The following HEATR5B variants were observed in gnomAD, a reference collection of about 807,000 sequenced individuals.
HEATR5B encodes the protein HEAT repeat containing 5B.
In HEATR5B, 156 loss-of-function variants were observed where a neutral mutation model predicts 224.1. The observed-to-expected ratio is 0.70, with a 90% CI of 0.61 to 0.80. The LOEUF is 0.80. Ranked by LOEUF, HEATR5B falls within the 30% of genes least tolerant of loss-of-function variation. The probability of loss-of-function intolerance (pLI) is 0.00; values close to 1 mark genes in which losing one functional copy is unlikely to be tolerated. For missense variants in HEATR5B, 2,323 were observed against 2,535.5 expected, an observed-to-expected ratio of 0.92 and a Z score of 1.80; for synonymous variants, 1,027 against 893.0, an observed-to-expected ratio of 1.15 and a Z score of -2.68.
At chr2:37,076,487 T>C (rs1002716744) in intron 4 of HEATR5B, among the ~76,000 whole-genome samples, 2 of 152,168 alleles carry the variant, frequency 1.3e-5, no homozygotes, top group Admixed American at 1.3e-4. Flanking sequence ...GGAAACATTC[T>C]TCCCTAGATC....
At chr2:37,015,133 G>A (rs1668035876) in intron 26 of HEATR5B, among the ~76,000 whole-genome samples, 1 of 152,166 alleles carries the variant, frequency 6.6e-6, no homozygotes. Context: ...CAGGAGGAAT[G>A]GGAATGTTTA....
rs1667581527 is a variant in HEATR5B at position 37,008,612 on chromosome 2, A to T, written c.4521T>A (p.Asp1507Glu). The change falls in exon 28 of 36, where the codon GAT becomes GAA. Residue 1507 changes from aspartate (D) to glutamate (E), a missense_variant and splice_region_variant. Transcript: ENST00000233099. ...TAAAACTCAGAATGTAATACTCACC[A>T]TCTGGAGGAAGCTGACTAGAAAATT... ...PAEFSSQLPPDGGAFYTPETI... is the reference protein window; with the variant it reads ...PAEFSSQLPPEGGAFYTPETI... 6.2e-7 allele frequency: 1 copy of T among 1,600,040 alleles called. No individual in the cohort carries two copies.
At chr2:37,045,257 CTTT>C (rs1021044039) in intron 18 of HEATR5B, among the ~76,000 whole-genome samples, 4 of 151,532 alleles carry the variant, frequency 2.6e-5, no homozygotes, top group African/African-American at 9.7e-5. Flanking sequence ...CTTTCTGCTT[CTTT>C]ATGTGCCTAG....
Position 36,981,366 on chromosome 2 carries a change from T to G in HEATR5B, c.*124A>C. 1 of 631,014 alleles carries G rather than the reference T, an allele frequency of 1.6e-6. No individual in the cohort carries two copies. Among genetic ancestry groups the G allele is most frequent in the Admixed American group, 3.7e-5 (1 of 27,266 alleles). The allele number at this position is 631,014 out of a possible 1,614,324, so 39.1% of individuals were successfully genotyped here. A position where few individuals can be genotyped will look rare whatever the true frequency, so the allele number is the denominator to read the frequency against. On this transcript the variant is annotated 3_prime_UTR_variant, in exon 36 of 36. Coordinates refer to ENST00000233099, the MANE Select transcript of HEATR5B (RefSeq NM_019024.3). ...GTGAGCATTATTTCACTTAACCTAC[T>G]TGGAAGCACTATAATACCAATATAC... is the stretch of plus-strand genomic sequence containing the variant.
At chr2:37,030,543 C>T (rs1024596856) in intron 22 of HEATR5B, among the ~76,000 whole-genome samples, 2 of 152,130 alleles carry the variant, frequency 1.3e-5, no homozygotes, top group Non-Finnish European at 1.5e-5. Flanking sequence ...AGGGTAAGCA[C>T]ATTTTGAAAA....
At chr2:37,008,586 G>T in intron 28 of HEATR5B, 25 bp downstream of exon 28, 1 of 1,518,830 alleles carries the variant, frequency 6.6e-7, no homozygotes, top group Non-Finnish European at 9.1e-7. Context: ...CTCCATAAAA[G>T]TAAAACTCAG....
intron 19 of HEATR5B, 150 bp from the exon 20 acceptor site, chr2:37,040,668 A>G (rs759876871): frequency 1.2e-5 from 7 of 592,092 alleles, no homozygotes; most frequent in Non-Finnish European, 2.0e-5. Flanking sequence ...GTTTTCATAC[A>G]CATTCTTCAT....
At chr2:37,051,551 A>G (rs1311316504) in intron 17 of HEATR5B, among the ~76,000 whole-genome samples, 2 of 152,082 alleles carry the variant, frequency 1.3e-5, no homozygotes, top group East Asian at 3.8e-4. Context: ...AGGCATTAGC[A>G]TATCTATGAA....
At chr2:37,078,280 T>C (rs571097184) in intron 3 of HEATR5B, among the ~76,000 whole-genome samples, 2 of 152,352 alleles carry the variant, frequency 1.3e-5, no homozygotes, top group Middle Eastern at 3.4e-3. Context: ...GGGAATCAAC[T>C]TTCACCTCTT....
rs142844571 is a variant in HEATR5B at position 37,065,860 on chromosome 2, T to C, written c.1228A>G (p.Ile410Val). 60 of 1,613,724 alleles carry C rather than the reference T, an allele frequency of 3.7e-5. No individual in the cohort carries two copies. The African/African-American group carries it at 7.2e-4, about 19-fold the overall frequency. ...ACCATCACATGCTGGCTTGCTGCAA[T>C]GTCTGCTGCGCCAGATTTGTTTTCT... is the stretch of plus-strand genomic sequence containing the variant. ...SGENKSGAAD[I>V]AASQHVMVCA... Residue 410 changes from isoleucine to valine, a missense_variant, in exon 9 of 36, where the codon ATT (isoleucine) becomes GTT (valine). By Grantham distance (29) the Ile-to-Val change is conservative. Coordinates refer to ENST00000233099, the MANE Select transcript of HEATR5B (RefSeq NM_019024.3).
rs1336418887 is a variant in HEATR5B at position 37,075,626 on chromosome 2, C to G, written c.456G>C (p.Gly152=). ...GTAGACTCATTAAGATTTCACTTCG[C>G]CCTTGAGACTAGACATGTATACAAA... The part of the protein sequence containing the change: ...LKSLKSAESQ[G]RSEILMSLQK... The change falls in exon 5 of 36, where the codon GGG becomes GGC. Residue 152 remains glycine, a synonymous_variant. Transcript: ENST00000233099. 1 of 1,611,964 alleles carries G rather than the reference C, an allele frequency of 6.2e-7. No individual in the cohort carries two copies. Among genetic ancestry groups the G allele is most frequent in the Admixed American group, 1.7e-5 (1 of 59,748 alleles).
intron 2 of HEATR5B, among the ~76,000 whole-genome samples, chr2:37,081,198 T>C (rs1293967265): frequency 6.6e-6 from 1 of 152,180 alleles, no homozygotes; most frequent in Non-Finnish European, 1.5e-5. Context: ...AAACGTCTAG[T>C]TGACAATTAC....
chr2:37,040,764 T>G (rs960742442), intron 19 of HEATR5B, among the ~76,000 whole-genome samples: 5 of 151,810 alleles, frequency 3.3e-5, no homozygotes, highest in Admixed American at 2.6e-4. Context: ...CACAAGAAGA[T>G]TCAGCCAATG....
chr2:37,064,747 T>C lies in HEATR5B; in HGVS notation c.1577A>G (p.Lys526Arg). The C allele has an allele frequency of 6.2e-7, 1 of 1,613,982 alleles. No homozygotes were observed. The highest frequency in any genetic ancestry group is 8.5e-7 in the Non-Finnish European group (1 of 1,179,956). ...HQCPLGIPHAKGKMVVSIAED... is the reference protein window; with the variant it reads ...HQCPLGIPHARGKMVVSIAED... ...CTAGGATCTCCGTCATACCTTTCCT[T>C]TGGCATGAGGAATGCCCAAAGGACA... is the stretch of plus-strand genomic sequence containing the variant. The change falls in exon 10 of 36, where the codon AAA becomes AGA. Residue 526 changes from lysine to arginine, a missense_variant. Lys to Arg is a conservative substitution (Grantham distance 26, BLOSUM62 2). Transcript: ENST00000233099.
intron 2 of HEATR5B, among the ~76,000 whole-genome samples, chr2:37,081,593 G>C (rs1422402948): frequency 6.6e-6 from 1 of 152,166 alleles, no homozygotes; most frequent in Non-Finnish European, 1.5e-5. Context: ...GAGTGAAGTT[G>C]TATGTACCTT....
chr2:37,082,721 A>G (rs1270645599), intron 2 of HEATR5B, among the ~76,000 whole-genome samples: 1 of 152,220 alleles, frequency 6.6e-6, no homozygotes, highest in Non-Finnish European at 1.5e-5. Context: ...AAACAATGTT[A>G]ATGGCTGGCT....
At chr2:37,072,933 C>A (rs182871134) in intron 5 of HEATR5B, among the ~76,000 whole-genome samples, 3 of 152,232 alleles carry the variant, frequency 2.0e-5, no homozygotes, top group Non-Finnish European at 4.4e-5. Context: ...CTGAATAGCC[C>A]AGTATCTATG....
chr2:37,082,238 T>G lies in HEATR5B; in HGVS notation c.126+1051A>C, dbSNP rs13400956. Among the ~76,000 whole-genome samples, 1,399 of 151,638 alleles carry G rather than the reference T, an allele frequency of 9.2e-3. 27 individuals carry two copies. Among genetic ancestry groups the G allele is most frequent in the African/African-American group, 0.032 (1,340 of 41,314 alleles). ...GCGCCCACGACCACGCCTGGCTAAT[T>G]TTCGTACTTTTAGCAGTGTTTAGTA... On this transcript the variant is annotated intron_variant, in intron 2 of 35. Coordinates refer to ENST00000233099, the MANE Select transcript of HEATR5B (RefSeq NM_019024.3).
Position 37,000,682 on chromosome 2 carries a change from T to C in HEATR5B, c.5449A>G (p.Thr1817Ala), listed in dbSNP as rs750557628. The change falls in exon 33 of 36, where the codon ACA (threonine) becomes GCA (alanine). Residue 1817 changes from threonine (T) to alanine (A), a missense_variant. By Grantham distance (58) the Thr-to-Ala change is moderately conservative. Around this residue, in one of 12 missense-constraint regions of HEATR5B, gnomAD observed 844 missense variants for 812.9 expected, o/e 1.04. Coordinates refer to ENST00000233099, the MANE Select transcript of HEATR5B (RefSeq NM_019024.3). ...AALQGIKSIV[T>A]LSMAKTEAGV... is the part of the protein sequence containing the mutation. The stretch of plus-strand genomic sequence containing the variant: ...GCCTCAGTTTTGGCCATTGAAAGTG[T>C]CACAATACTTTTAATCCCTTGAAGA... 3.1e-6 allele frequency: 5 copies of C among 1,614,094 alleles called. No individual in the cohort carries two copies. In the African/African-American group the frequency reaches 6.7e-5, roughly 22 times the overall value.
Sources: gnomAD v4.1 joint callset for allele counts (sites outside exome capture counted in the v4.1 genomes callset) on GRCh38, gnomAD v4.1.1 for gene constraint, gnomAD v4.1.1 regional missense constraint, MANE v1.5 for transcripts, NCBI Gene and HGNC (gene_info 2026-07-23, HGNC 2026-07-21) for gene names.